The following RNF220 variants were observed in gnomAD, a reference collection of about 807,000 sequenced individuals.
RNF220 encodes the protein ring finger protein 220.
In RNF220, 7 loss-of-function variants were observed where a neutral mutation model predicts 67.1. The ratio of observed to expected loss-of-function variants is 0.10; its 90% CI spans 0.06 to 0.20. RNF220 has a LOEUF of 0.20. Among genes scored for constraint, RNF220 ranks in the 10% least tolerant of loss-of-function variants. RNF220 has a pLI of 1.00. For synonymous variants in RNF220, 270 were observed against 283.2 expected (o/e 0.95, Z 0.47); for missense variants, 565 against 740.3 (o/e 0.76, Z 2.75).
At chr1:44,437,039 G>A (rs1285367305) in intron 2 of RNF220, among the ~76,000 whole-genome samples, 1 of 152,222 alleles carries the variant, frequency 6.6e-6, no homozygotes, top group African/African-American at 2.4e-5. Context: ...TTGAAAAACT[G>A]ACAGTTGTTT....
chr1:44,443,768 A>C (rs1305721850), intron 2 of RNF220, among the ~76,000 whole-genome samples: 1 of 152,164 alleles, frequency 6.6e-6, no homozygotes. Flanking sequence ...TTATATGATG[A>C]ACACTCATGA....
At chr1:44,553,917 G>A (rs1054137784) in intron 2 of RNF220, among the ~76,000 whole-genome samples, 3 of 152,144 alleles carry the variant, frequency 2.0e-5, no homozygotes, top group African/African-American at 7.2e-5. Flanking sequence ...CTATGACCAC[G>A]GCTGCAGGAG....
In RNF220 at chr1:44,632,400, G is replaced by GCCCCCCCCCCCCCCCCCCCCCCCCCCC; in HGVS notation, c.949+19_949+20insCCCCCCCCCCCCCCCCCCCCCCCCCCC. 6.2e-7 allele frequency: 1 copy of GCCCCCCCCCCCCCCCCCCCCCCCCCCC among 1,607,452 alleles called. No individual in the cohort carries two copies. The highest frequency in any genetic ancestry group is 8.5e-7 in the Non-Finnish European group (1 of 1,177,492). On this transcript the variant is annotated intron_variant, in intron 6 of 14. Coordinates refer to ENST00000361799, the MANE Select transcript of RNF220 (RefSeq NM_018150.4). ...CCGACTGAATGGTGAGTCCTGCCCG[G>GCCCCCCCCCCCCCCCCCCCCCCCCCCC]CCCCTCCCTCCGCCCCACCCCCGGC...
chr1:44,558,699 T>C (rs12128786), intron 2 of RNF220, among the ~76,000 whole-genome samples: 32,454 of 152,200 alleles, frequency 0.21, 4,363 homozygotes, highest in Non-Finnish European at 0.31. Context: ...TTTACGGAGC[T>C]AGAATTCAGA....
chr1:44,462,378 G>A (rs1393080142), intron 2 of RNF220, among the ~76,000 whole-genome samples: 1 of 151,958 alleles, frequency 6.6e-6, no homozygotes, highest in African/African-American at 2.4e-5. Context: ...TTGACCAAAG[G>A]TAACATAAAA....
rs1322927658 is a variant in RNF220 at position 44,565,368 on chromosome 1, G to A, written c.626-48797G>A. On this transcript the variant is annotated intron_variant, in intron 2 of 14. Transcript: ENST00000361799. This position sits in a 1 kb window ranked among gnomAD's most constrained non-coding sequence, Gnocchi z 4.2. ...TTCCTGAGAGGTGAATTATCAGAGG[G>A]ACCACCATGGGTCGGGCAAGCACCT... 6.6e-6 allele frequency among the ~76,000 whole-genome samples: 1 copy of A among 152,172 alleles called. No homozygotes were observed. Among genetic ancestry groups the A allele is most frequent in the Non-Finnish European group, 1.5e-5 (1 of 68,028 alleles).
At chr1:44,501,283 G>A (rs1344184235) in intron 2 of RNF220, among the ~76,000 whole-genome samples, 3 of 152,086 alleles carry the variant, frequency 2.0e-5, no homozygotes, top group African/African-American at 7.2e-5. Context: ...GAGTGGTGCA[G>A]AGGCCCTGGA....
At chr1:44,495,194 C>T (rs1452653662) in intron 2 of RNF220, among the ~76,000 whole-genome samples, 1 of 149,760 alleles carries the variant, frequency 6.7e-6, no homozygotes, top group Non-Finnish European at 1.5e-5. Flanking sequence ...ACCTGGACAA[C>T]AGAGTGAGAC....
chr1:44,631,872 C>G (rs1475466051), intron 5 of RNF220: 3 of 980,270 alleles, frequency 3.1e-6, no homozygotes, highest in African/African-American at 3.5e-5. Context: ...GGTTGCTACC[C>G]GAGTACAAAC....
In RNF220 at chr1:44,571,517, A is replaced by G. The variant is rs552774747; in HGVS notation, c.626-42648A>G. Among the ~76,000 whole-genome samples, 14 of 152,326 alleles carry G rather than the reference A, an allele frequency of 9.2e-5. No homozygotes were observed. In the South Asian group the frequency reaches 2.9e-3, roughly 32 times the overall value. On this transcript the variant is annotated intron_variant, in intron 2 of 14. Coordinates refer to ENST00000361799, the MANE Select transcript of RNF220 (RefSeq NM_018150.4). ...TTGCCTACTCCAGCAGTAGAAAGTA[A>G]GTTCTACATTCACTGTTAGATTTCT...
chr1:44,542,814 T>C (rs919582389), intron 2 of RNF220, among the ~76,000 whole-genome samples: 4 of 152,168 alleles, frequency 2.6e-5, no homozygotes, highest in Admixed American at 6.5e-5. Flanking sequence ...TGTAGCAAAT[T>C]GGGCTGACCA....
intron 2 of RNF220, among the ~76,000 whole-genome samples, chr1:44,561,311 A>G (rs1252698711): frequency 6.6e-6 from 1 of 152,122 alleles, no homozygotes; most frequent in Non-Finnish European, 1.5e-5. Context: ...GGAGTTCAAG[A>G]CTAGCCTGGC....
chr1:44,583,203 C>T (rs937749496), intron 2 of RNF220, among the ~76,000 whole-genome samples: 4 of 149,956 alleles, frequency 2.7e-5, no homozygotes, highest in African/African-American at 1.0e-4. Flanking sequence ...TTGAATTTTG[C>T]TTCCAGAAGC....
At chr1:44,423,389 T>C (rs17385190) in intron 2 of RNF220, among the ~76,000 whole-genome samples, 2,145 of 152,300 alleles carry the variant, frequency 0.014, 24 homozygotes, top group Non-Finnish European at 0.022. Flanking sequence ...CTATAGCACT[T>C]CATCCTATAA....
chr1:44,645,725 GC>G lies in RNF220; in HGVS notation c.1445+239del, dbSNP rs1386667695. The stretch of plus-strand genomic sequence containing the variant: ...GGTGGGAGGAGCAGTCCACCCGCCT[GC>G]CTGCCTGCCTGCCCGCCTGCTGCGG... On this transcript the variant is annotated intron_variant, in intron 12 of 14. Coordinates refer to ENST00000361799, the MANE Select transcript of RNF220 (RefSeq NM_018150.4). This position sits in a 1 kb window ranked among gnomAD's most constrained non-coding sequence, Gnocchi z 5.0. 6.6e-6 allele frequency among the ~76,000 whole-genome samples: 1 copy of G among 152,196 alleles called. No individual in the cohort carries two copies. The highest frequency in any genetic ancestry group is 1.5e-5 in the Non-Finnish European group (1 of 68,028).
rs1275919037 is a variant in RNF220 at position 44,622,328 on chromosome 1, A to G, written c.759-414A>G. ...ACAGTTTGCAGCATGTTGGAGGGAG[A>G]ATTGACAAGAGCCCTGTCAGCTCCA... On this transcript the variant is annotated intron_variant, in intron 3 of 14. Coordinates refer to ENST00000361799, the MANE Select transcript of RNF220 (RefSeq NM_018150.4). This position sits in a 1 kb window ranked among gnomAD's most constrained non-coding sequence, Gnocchi z 4.3. 6.6e-6 allele frequency among the ~76,000 whole-genome samples: 1 copy of G among 152,148 alleles called. No homozygotes were observed.
intron 1 of RNF220, among the ~76,000 whole-genome samples, chr1:44,406,846 C>T (rs1297352854): frequency 6.6e-6 from 1 of 152,252 alleles, no homozygotes; most frequent in African/African-American, 2.4e-5. Flanking sequence ...TGAGGCCATC[C>T]GAGGGGATGC....
chr1:44,455,805 C>G (rs951916665), intron 2 of RNF220, among the ~76,000 whole-genome samples: 40 of 152,140 alleles, frequency 2.6e-4, no homozygotes, highest in Admixed American at 2.6e-3. Flanking sequence ...GGAATAAACA[C>G]GGGAACTTAG....
intron 2 of RNF220, among the ~76,000 whole-genome samples, chr1:44,473,899 G>A (rs537431590): frequency 2.6e-5 from 4 of 151,974 alleles, no homozygotes; most frequent in Non-Finnish European, 5.9e-5. Context: ...ATTCCCATGC[G>A]TTATCTTGTG....
Sources: allele counts gnomAD v4.1 joint callset (sites outside exome capture counted in the v4.1 genomes callset), GRCh38; gene constraint gnomAD v4.1.1; non-coding constraint Gnocchi (gnomAD v3.1); transcripts MANE v1.5; gene names NCBI Gene and HGNC (gene_info 2026-07-23, HGNC 2026-07-21).